The following VPS8 variants were observed in gnomAD, a reference collection of about 807,000 sequenced individuals.
VPS8 encodes vacuolar protein sorting-associated protein 8 homolog.
A neutral mutation model predicts 216.4 loss-of-function variants in VPS8; 129 were observed. The ratio of observed to expected loss-of-function variants is 0.60; its 90% CI spans 0.52 to 0.69. The LOEUF is 0.69. VPS8 is among the 30% of genes least tolerant of loss of function. The probability of loss-of-function intolerance (pLI) is 0.00; values close to 1 mark genes in which losing one functional copy is unlikely to be tolerated. For synonymous variants in VPS8, 571 were observed against 565.4 expected (o/e 1.01, Z -0.14); for missense variants, 1,531 against 1,683.5 (o/e 0.91, Z 1.59).
chr3:184,940,218 T>G lies in VPS8; in HGVS notation c.3010T>G (p.Phe1004Val). ...KLQNQVLLFKFLRSLLDPREG... is the reference protein window; with the variant it reads ...KLQNQVLLFKVLRSLLDPREG... ...TCAGAACCAGGTTTTGCTTTTCAAA[T>G]TTTTGAGGAGTCTTCTTGACCCAAG... is the stretch of plus-strand genomic sequence containing the variant. The change falls in exon 36 of 48, where the codon TTT (phenylalanine) becomes GTT (valine). Residue 1004 changes from phenylalanine (F) to valine (V), a missense_variant. Coordinates refer to ENST00000625842, the MANE Select transcript of VPS8 (RefSeq NM_001009921.3). 6.7e-7 allele frequency: 1 copy of G among 1,492,322 alleles called. No homozygotes were observed. The highest frequency in any genetic ancestry group is 9.0e-7 in the Non-Finnish European group (1 of 1,113,360). The allele number at this position is 1,492,322 out of a possible 1,614,324, so 92.4% of individuals were successfully genotyped here. A position where few individuals can be genotyped will look rare whatever the true frequency, so the allele number is the denominator to read the frequency against.
intron 42 of VPS8, among the ~76,000 whole-genome samples, chr3:184,984,491 C>G (rs1305908977): frequency 1.3e-5 from 2 of 151,804 alleles, no homozygotes; most frequent in Non-Finnish European, 2.9e-5. Flanking sequence ...CCGGGTTTCT[C>G]CATGTTGGTC....
At chr3:184,958,879 A>C (rs1361875274) in intron 37 of VPS8, among the ~76,000 whole-genome samples, 1 of 152,200 alleles carries the variant, frequency 6.6e-6, no homozygotes, top group Non-Finnish European at 1.5e-5. Context: ...AAAAATAATC[A>C]GAGTAAGTTC....
intron 46 of VPS8, among the ~76,000 whole-genome samples, chr3:185,028,774 C>T (rs1237791335): frequency 6.6e-6 from 1 of 152,230 alleles, no homozygotes; most frequent in Non-Finnish European, 1.5e-5. Flanking sequence ...GATTGCCTCT[C>T]TACTTAATGC....
chr3:184,939,909 G>A (rs1234046063), intron 35 of VPS8, among the ~76,000 whole-genome samples: 1 of 152,144 alleles, frequency 6.6e-6, no homozygotes, highest in African/African-American at 2.4e-5. Flanking sequence ...GGGTCCTTGT[G>A]CTGGGAACAG....
chr3:185,029,258 C>G (rs973607679), intron 46 of VPS8, among the ~76,000 whole-genome samples: 50 of 152,198 alleles, frequency 3.3e-4, no homozygotes, highest in Admixed American at 5.9e-4. Flanking sequence ...GCAGTAGTGT[C>G]TGTTGAACAG....
chr3:184,828,470 C>T (rs568099004), intron 3 of VPS8, among the ~76,000 whole-genome samples: 1 of 152,218 alleles, frequency 6.6e-6, no homozygotes, highest in Admixed American at 6.5e-5. Flanking sequence ...TTAGAGATTA[C>T]TGAGACATCC....
At chr3:184,845,256 TGTTTTGAAGAG>T (rs1722908045) in intron 8 of VPS8, among the ~76,000 whole-genome samples, 1 of 152,180 alleles carries the variant, frequency 6.6e-6, no homozygotes, top group Non-Finnish European at 1.5e-5. Context: ...GGAATTTAAG[TGTTTTGAAGAG>T]GTTTTATGTT....
intron 1 of VPS8, among the ~76,000 whole-genome samples, chr3:184,813,439 A>G (rs1202605475): frequency 2.0e-5 from 3 of 152,280 alleles, no homozygotes; most frequent in African/African-American, 7.2e-5. Context: ...AGGTATATCT[A>G]ATATAAATGT....
intron 45 of VPS8, among the ~76,000 whole-genome samples, chr3:185,022,202 C>T (rs1561160061): frequency 2.0e-5 from 3 of 152,134 alleles, no homozygotes; most frequent in Non-Finnish European, 4.4e-5. Context: ...TAAAGAAGGA[C>T]GTATTTGCTT....
chr3:185,032,932 G>A (rs1227918117), intron 46 of VPS8, among the ~76,000 whole-genome samples: 1 of 152,212 alleles, frequency 6.6e-6, no homozygotes, highest in Non-Finnish European at 1.5e-5. Flanking sequence ...CTCCCAAAGT[G>A]CTGGGATTAC....
intron 7 of VPS8, chr3:184,840,318 A>G (rs895121927): frequency 1.3e-5 from 2 of 152,206 alleles, no homozygotes; most frequent in Admixed American, 6.5e-5. Context: ...TCTACATGAG[A>G]CTAAATGACT....
intron 46 of VPS8, among the ~76,000 whole-genome samples, chr3:185,041,066 A>G (rs1225507410): frequency 6.6e-6 from 1 of 152,132 alleles, no homozygotes; most frequent in Non-Finnish European, 1.5e-5. Context: ...TTAGCTGGGC[A>G]TGGTGGTACG....
At chr3:184,973,355 C>A (rs1220934636) in intron 40 of VPS8, among the ~76,000 whole-genome samples, 1 of 151,918 alleles carries the variant, frequency 6.6e-6, no homozygotes, top group Non-Finnish European at 1.5e-5. Flanking sequence ...AAATATAGTA[C>A]TCAAAAAATG....
At chr3:184,923,665 T>C (rs1403014597) in intron 29 of VPS8, among the ~76,000 whole-genome samples, 3 of 152,182 alleles carry the variant, frequency 2.0e-5, no homozygotes, top group Non-Finnish European at 4.4e-5. Flanking sequence ...TGAGACCTCA[T>C]CTTCTCTTTT....
At position 184,955,271 on chromosome 3, in the gene VPS8, G is replaced by A. The variant is rs192533174; in HGVS notation, c.3036-2103G>A. 3.9e-5 allele frequency among the ~76,000 whole-genome samples: 6 copies of A among 152,234 alleles called. No individual in the cohort carries two copies. In the East Asian group the frequency reaches 5.8e-4, roughly 15 times the overall value. Reference sequence around the variant, plus strand: ...CCTTGTCCACTTTCATGTTCCTCCCGTACTCCTGGTTCCTCTTTGAAGTTC... The same window carrying A: ...CCTTGTCCACTTTCATGTTCCTCCCATACTCCTGGTTCCTCTTTGAAGTTC... On this transcript the variant is annotated intron_variant, in intron 36 of 47. Coordinates refer to ENST00000625842, the MANE Select transcript of VPS8 (RefSeq NM_001009921.3).
chr3:184,894,416 T>C (rs1167027060), intron 22 of VPS8, among the ~76,000 whole-genome samples: 1 of 151,738 alleles, frequency 6.6e-6, no homozygotes, highest in Non-Finnish European at 1.5e-5. Context: ...GATATGTCAC[T>C]ATTAGCAAAC....
intron 1 of VPS8, chr3:184,815,960 G>C (rs2108460858): frequency 6.6e-6 from 1 of 152,210 alleles, no homozygotes; most frequent in Middle Eastern, 3.4e-3. Flanking sequence ...GTGGAATCCT[G>C]TCTTTTGCGC....
chr3:184,843,369 T>C, intron 8 of VPS8, 124 bp downstream of exon 8: 1 of 617,370 alleles, frequency 1.6e-6, no homozygotes. Flanking sequence ...ACCCAGCTAA[T>C]TGAAAAATTA....
At position 184,894,779 on chromosome 3, in the gene VPS8, G is replaced by C. The variant is rs373763750; in HGVS notation, c.1858G>C (p.Glu620Gln). ...CAAAGGAGTATTTTTGGAGTGCCTT[G>C]AGCCATATATTTTAAGTGATAAATT... ...VAKGVFLECL[E>Q]PYILSDKLVG... Residue 620 changes from glutamate (E) to glutamine (Q), a missense_variant, in exon 23 of 48, where the codon GAG becomes CAG. Around this residue, in one of 3 missense-constraint regions of VPS8, gnomAD observed 1,318 missense variants for 1,468.4 expected, o/e 0.90. Transcript: ENST00000625842. 7 of 1,609,966 alleles carry C rather than the reference G, an allele frequency of 4.3e-6. No individual in the cohort carries two copies. The highest frequency in any genetic ancestry group is 4.2e-6 in the Non-Finnish European group (5 of 1,177,956).
Sources: allele counts gnomAD v4.1 joint callset (sites outside exome capture counted in the v4.1 genomes callset), GRCh38; gene constraint gnomAD v4.1.1; regional missense constraint gnomAD v4.1.1; transcripts MANE v1.5; gene names NCBI Gene and HGNC (gene_info 2026-07-23, HGNC 2026-07-21).